The following GNA12 variants were observed in gnomAD, a reference collection of about 807,000 sequenced individuals.
The protein encoded by GNA12 is G protein subunit alpha 12.
GNA12 carries 9 observed loss-of-function variants against 26.0 expected under a neutral mutation model. That is an observed-to-expected ratio of 0.35 (90% CI 0.21 to 0.60). The LOEUF is 0.60. Ranked by LOEUF, GNA12 falls within the 20% of genes least tolerant of loss-of-function variation. The pLI is 0.78. For missense variants in GNA12, 405 were observed against 525.8 expected (o/e 0.77, Z 2.25); for synonymous variants, 264 against 219.6 (o/e 1.20, Z -1.79).
At chr7:2,736,000 G>A (rs187078943) in intron 2 of GNA12, among the ~76,000 whole-genome samples, 1 of 152,202 alleles carries the variant, frequency 6.6e-6, no homozygotes, top group Non-Finnish European at 1.5e-5. Context: ...TTCACCAACA[G>A]AGACTGGACA....
chr7:2,792,160 T>A (rs567682615), intron 2 of GNA12, among the ~76,000 whole-genome samples: 2 of 152,288 alleles, frequency 1.3e-5, no homozygotes, highest in Admixed American at 1.3e-4. Flanking sequence ...AGGCTCATGT[T>A]TGGTCTTCTT....
intron 1 of GNA12, among the ~76,000 whole-genome samples, chr7:2,801,151 C>G (rs1298594358): frequency 1.3e-5 from 2 of 152,166 alleles, no homozygotes; most frequent in African/African-American, 4.8e-5. Context: ...CCTCCATGCC[C>G]TCCCAATCAA....
At chr7:2,823,607 A>G (rs1793417067) in intron 1 of GNA12, among the ~76,000 whole-genome samples, 1 of 152,252 alleles carries the variant, frequency 6.6e-6, no homozygotes, top group South Asian at 2.1e-4. Flanking sequence ...ATAAGCACTT[A>G]GGAAGTGTCT....
intron 1 of GNA12, among the ~76,000 whole-genome samples, chr7:2,838,570 A>G (rs79710255): frequency 0.025 from 3,781 of 152,278 alleles, 108 homozygotes; most frequent in Middle Eastern, 0.078. Context: ...GGCAATAGCA[A>G]AAGACCTTGT....
At chr7:2,822,768 C>T (rs1793396657) in intron 1 of GNA12, among the ~76,000 whole-genome samples, 1 of 152,148 alleles carries the variant, frequency 6.6e-6, no homozygotes, top group South Asian at 2.1e-4. Flanking sequence ...GCTATGATCG[C>T]CCCACTGCAC....
At chr7:2,745,438 G>C (rs1052120970) in intron 2 of GNA12, among the ~76,000 whole-genome samples, 1 of 152,178 alleles carries the variant, frequency 6.6e-6, no homozygotes, top group Admixed American at 6.5e-5. Flanking sequence ...AAGTGAAGGA[G>C]AAATAAAATA....
At chr7:2,737,415 A>G (rs1260128287) in intron 2 of GNA12, among the ~76,000 whole-genome samples, 1 of 150,876 alleles carries the variant, frequency 6.6e-6, no homozygotes, top group Non-Finnish European at 1.5e-5. Flanking sequence ...CAGCCTACAG[A>G]GTAGTTGGGA....
At chr7:2,838,546 T>G (rs1223791155) in intron 1 of GNA12, among the ~76,000 whole-genome samples, 1 of 152,190 alleles carries the variant, frequency 6.6e-6, no homozygotes, top group Non-Finnish European at 1.5e-5. Flanking sequence ...ATCGTGCCAC[T>G]GCGCTTCAGC....
chr7:2,795,516 T>A (rs1424095992), intron 1 of GNA12, among the ~76,000 whole-genome samples: 2 of 151,512 alleles, frequency 1.3e-5, no homozygotes, highest in Non-Finnish European at 2.9e-5. Context: ...GTGGCACACC[T>A]GTAGTCTCAG....
chr7:2,758,445 G>T (rs985765000), intron 2 of GNA12, among the ~76,000 whole-genome samples: 1 of 152,196 alleles, frequency 6.6e-6, no homozygotes, highest in Non-Finnish European at 1.5e-5. Flanking sequence ...GTGCTGTCAG[G>T]GTTCTAAGAC....
At chr7:2,828,344 A>T (rs924959818) in intron 1 of GNA12, among the ~76,000 whole-genome samples, 1 of 152,236 alleles carries the variant, frequency 6.6e-6, no homozygotes, top group Non-Finnish European at 1.5e-5. Context: ...TTTGCTGTAG[A>T]CAATAGTTAT....
At chr7:2,749,053 A>G (rs1583231725) in intron 2 of GNA12, among the ~76,000 whole-genome samples, 1 of 152,238 alleles carries the variant, frequency 6.6e-6, no homozygotes, top group East Asian at 1.9e-4. Flanking sequence ...ACACTTTTAC[A>G]CTGTTGGTGG....
At chr7:2,754,635 C>G (rs1249490542) in intron 2 of GNA12, among the ~76,000 whole-genome samples, 1 of 151,632 alleles carries the variant, frequency 6.6e-6, no homozygotes, top group African/African-American at 2.4e-5. Flanking sequence ...GTAGTCCCAG[C>G]TATTAGGGGA....
chr7:2,762,471 C>A, intron 2 of GNA12: 2 of 644,198 alleles, frequency 3.1e-6, no homozygotes, highest in South Asian at 2.8e-5. Flanking sequence ...GCCTCTGAAC[C>A]CACCCGTGTG....
intron 2 of GNA12, 54 bp downstream of exon 2, chr7:2,794,873 TA>T: frequency 1.6e-6 from 2 of 1,238,808 alleles, no homozygotes; most frequent in Non-Finnish European, 2.4e-6. Flanking sequence ...CGGTCCAAAA[TA>T]GTCATGTAAA....
chr7:2,820,774 G>A (rs758672442), intron 1 of GNA12, among the ~76,000 whole-genome samples: 1 of 152,194 alleles, frequency 6.6e-6, no homozygotes, highest in African/African-American at 2.4e-5. Context: ...ATCTCACTCT[G>A]TCACCCAGGC....
At chr7:2,825,781 C>T (rs1793471384) in intron 1 of GNA12, among the ~76,000 whole-genome samples, 1 of 152,106 alleles carries the variant, frequency 6.6e-6, no homozygotes, top group Non-Finnish European at 1.5e-5. Flanking sequence ...TGTGGTGGGG[C>T]CGCAGACACA....
chr7:2,748,804 A>C (rs1366311744), intron 2 of GNA12, among the ~76,000 whole-genome samples: 1 of 152,088 alleles, frequency 6.6e-6, no homozygotes, highest in Non-Finnish European at 1.5e-5. Flanking sequence ...GAACTCAAAC[A>C]AATTTACAAG....
At chr7:2,784,843 C>T (rs1013647659) in intron 2 of GNA12, among the ~76,000 whole-genome samples, 5 of 152,148 alleles carry the variant, frequency 3.3e-5, no homozygotes, top group African/African-American at 7.2e-5. Flanking sequence ...TTGACTTTTG[C>T]CATACAAATG....
Sources: gnomAD v4.1 joint callset for allele counts (sites outside exome capture counted in the v4.1 genomes callset) on GRCh38, gnomAD v4.1.1 for gene constraint, MANE v1.5 for transcripts, NCBI Gene and HGNC (gene_info 2026-07-23, HGNC 2026-07-21) for gene names.